Variants in MOK observed in about 807,000 individuals in gnomAD.
MOK encodes MAPK/MAK/MRK overlapping kinase.
In MOK, 59 loss-of-function variants were observed where a neutral mutation model predicts 54.2. The ratio of observed to expected loss-of-function variants is 1.09; its 90% CI spans 0.88 to 1.35. The LOEUF (loss-of-function observed/expected upper bound fraction) is 1.35, where lower values mean the gene tolerates loss of function less well. MOK is among the 40% of genes most tolerant of loss of function. MOK has a pLI of 0.00. For synonymous variants in MOK, 210 were observed against 202.7 expected (o/e 1.04, Z -0.31); for missense variants, 517 against 526.2 (o/e 0.98, Z 0.17).
intron 4 of MOK, among the ~76,000 whole-genome samples, chr14:102,255,254 C>T (rs953214868): frequency 2.6e-5 from 4 of 152,032 alleles, no homozygotes; most frequent in African/African-American, 9.7e-5. Flanking sequence ...GGAGGCGGAG[C>T]TTGCAGTGAG....
At chr14:102,273,353 T>G (rs1426188275) in intron 2 of MOK, among the ~76,000 whole-genome samples, 1 of 152,010 alleles carries the variant, frequency 6.6e-6, no homozygotes, top group Non-Finnish European at 1.5e-5. Context: ...TAATTGCATT[T>G]CTACATACTT....
At chr14:102,300,323 C>CAA (rs71468398) in intron 1 of MOK, among the ~76,000 whole-genome samples, 467 of 36,096 alleles carry the variant, frequency 0.013, 2 homozygotes, top group Non-Finnish European at 0.02. Context: ...AACTCTATCT[C>CAA]AAAAAAAAAA....
the MOK span, among the ~76,000 whole-genome samples, chr14:102,218,173 C>A: frequency 6.6e-6 from 1 of 152,182 alleles, no homozygotes; most frequent in Non-Finnish European, 1.5e-5. Context: ...GGCCTGTGTG[C>A]GTCTTACTTT....
At chr14:102,283,267 G>T in intron 2 of MOK, 1 of 403,360 alleles carries the variant, frequency 2.5e-6, no homozygotes, top group Non-Finnish European at 4.4e-6. Flanking sequence ...ACTTTTTTGT[G>T]GTCATTCATC....
chr14:102,293,594 AG>A (rs2071016186), intron 1 of MOK, among the ~76,000 whole-genome samples: 2 of 147,950 alleles, frequency 1.4e-5, no homozygotes, highest in Non-Finnish European at 3.0e-5. Context: ...GCTACTCGGG[AG>A]GCTGAGGCAG....
At position 102,283,224 on chromosome 14, in the gene MOK, CTG is replaced by C. The variant is rs540125040; in HGVS notation, c.122+252_122+253del. On this transcript the variant is annotated intron_variant, in intron 2 of 11. Transcript: ENST00000361847. Reference sequence around the variant, plus strand: ...TTTATAACTTTTAGGAACATACAGACTGTTTAAGGTGAGACACACTTTTGAAA... The same window carrying C: ...TTTATAACTTTTAGGAACATACAGACTTTAAGGTGAGACACACTTTTGAAA... 51 of 334,000 alleles carry C rather than the reference CTG, an allele frequency of 1.5e-4. No individual in the cohort carries two copies. In the South Asian group the frequency reaches 5.2e-3, roughly 34 times the overall value. The allele number at this position is 334,000 out of a possible 1,614,324, so 20.7% of individuals were successfully genotyped here.
At chr14:102,253,503 T>G (rs1278268179) in intron 4 of MOK, among the ~76,000 whole-genome samples, 1 of 152,238 alleles carries the variant, frequency 6.6e-6, no homozygotes, top group Non-Finnish European at 1.5e-5. Flanking sequence ...GATGTCCACT[T>G]TAAAGGGGGA....
chr14:102,222,189 C>T (rs939184321), downstream of MOK, among the ~76,000 whole-genome samples: 7 of 152,154 alleles, frequency 4.6e-5, no homozygotes, highest in African/African-American at 1.7e-4. This position sits in a 1 kb window ranked among gnomAD's most constrained non-coding sequence, Gnocchi z 4.4. Flanking sequence ...GCCCCCACAT[C>T]CCTTCTCCAC....
rs997098659 is a variant in MOK at position 102,231,545 on chromosome 14, A to C, written c.981+162T>G. On this transcript the variant is annotated intron_variant, in intron 10 of 11. Coordinates refer to ENST00000361847, the MANE Select transcript of MOK (RefSeq NM_014226.3). The surrounding 1 kb of genome is among the most constrained non-coding windows in gnomAD (Gnocchi z 4.4). ...ATAGAACTGGGGTCCCTGATGTCCCAACACATGGAGCCATCAACTCGCATG... is the reference window on the plus strand; with the variant it reads ...ATAGAACTGGGGTCCCTGATGTCCCCACACATGGAGCCATCAACTCGCATG... The C allele has an allele frequency of 2.7e-5, 17 of 621,872 alleles. No individual in the cohort carries two copies. Among genetic ancestry groups the C allele is most frequent in the Non-Finnish European group, 4.3e-5 (15 of 347,326 alleles). The allele number at this position is 621,872 out of a possible 1,614,324, so 38.5% of individuals were successfully genotyped here.
intron 2 of MOK, among the ~76,000 whole-genome samples, chr14:102,274,431 T>C (rs1046828056): frequency 1.3e-5 from 2 of 151,486 alleles, no homozygotes; most frequent in Non-Finnish European, 2.9e-5. Context: ...ATTTTTGTTA[T>C]TTTCAATCGA....
chr14:102,301,159 G>C (rs2072150507), intron 1 of MOK, among the ~76,000 whole-genome samples: 1 of 152,142 alleles, frequency 6.6e-6, no homozygotes, highest in African/African-American at 2.4e-5. Context: ...GTGCATGAGA[G>C]ACTTCCAGTA....
chr14:102,232,445 C>T lies in MOK; in HGVS notation c.866+90G>A, dbSNP rs2064814337. On this transcript the variant is annotated intron_variant, in intron 9 of 11. Coordinates refer to ENST00000361847, the MANE Select transcript of MOK (RefSeq NM_014226.3). The surrounding 1 kb of genome is among the most constrained non-coding windows in gnomAD (Gnocchi z 5.1). ...GCGATTCCCAAGAACCAGGGACCCT[C>T]CAGGGGGCAGTACCTTGCCCCACCA... The T allele has an allele frequency of 6.9e-7, 1 of 1,444,904 alleles. No individual in the cohort carries two copies. Among genetic ancestry groups the T allele is most frequent in the African/African-American group, 1.4e-5 (1 of 70,438 alleles). 89.5% of individuals were successfully genotyped at this position (1,444,904 alleles called of 1,614,324 possible). A position where few individuals can be genotyped will look rare whatever the true frequency, so the allele number is the denominator to read the frequency against.
chr14:102,215,022 T>C, the MOK span: 1 of 978,248 alleles, frequency 1.0e-6, no homozygotes, highest in East Asian at 1.1e-4. Context: ...TAATTTTCAG[T>C]AGTCATTTTC....
At chr14:102,285,076 T>C (rs2403038) in intron 1 of MOK, among the ~76,000 whole-genome samples, 143,241 of 143,452 alleles carry the variant, frequency 1, 71,515 homozygotes, top group Middle Eastern at 1. Context: ...GAGTGAGATG[T>C]CATCTCAAAA....
chr14:102,297,140 G>T (rs7151117), intron 1 of MOK, among the ~76,000 whole-genome samples: 29,324 of 151,854 alleles, frequency 0.19, 3,161 homozygotes, highest in African/African-American at 0.29. Context: ...GGCAGATCAC[G>T]AGGTCAGGAG....
intron 7 of MOK, among the ~76,000 whole-genome samples, chr14:102,248,207 C>G (rs1353426124): frequency 1.3e-5 from 2 of 152,206 alleles, no homozygotes; most frequent in Admixed American, 6.5e-5. Flanking sequence ...CACCCCTCCC[C>G]CTAATGCTCT....
chr14:102,225,134 C>T (rs2064192328), downstream of MOK: 1 of 239,818 alleles, frequency 4.2e-6, no homozygotes, highest in Non-Finnish European at 8.3e-6. Context: ...GATCATAGCT[C>T]ATTGTAGCCC....
chr14:102,272,374 G>A (rs772885577), intron 2 of MOK, among the ~76,000 whole-genome samples: 1 of 152,060 alleles, frequency 6.6e-6, no homozygotes, highest in Middle Eastern at 3.4e-3. Flanking sequence ...TGTAATCCCA[G>A]CTACTTGGGA....
In MOK at chr14:102,245,573, C is replaced by T. The variant is rs2066027796; in HGVS notation, c.590+5239G>A. Among the ~76,000 whole-genome samples the T allele has an allele frequency of 6.6e-6, 1 of 152,062 alleles. No individual in the cohort carries two copies. The highest frequency in any genetic ancestry group is 2.1e-4 in the South Asian group (1 of 4,820). The stretch of plus-strand genomic sequence containing the variant: ...AGCACCTTGTGACCCCCTCCGCCTG[C>T]CCCTGCCCACCGGAGAACAACCCCC... On this transcript the variant is annotated intron_variant, in intron 7 of 11. Transcript: ENST00000361847. The surrounding 1 kb of genome is among the most constrained non-coding windows in gnomAD (Gnocchi z 4.3).
Sources: gnomAD v4.1 joint callset for allele counts (sites outside exome capture counted in the v4.1 genomes callset) on GRCh38, gnomAD v4.1.1 for gene constraint, Gnocchi (gnomAD v3.1) non-coding constraint, MANE v1.5 for transcripts, NCBI Gene and HGNC (gene_info 2026-07-23, HGNC 2026-07-21) for gene names.